Variants in DCUN1D3 observed in about 807,000 individuals in gnomAD.
DCUN1D3 encodes the protein DCN1-like protein 3.
DCUN1D3 carries 6 observed loss-of-function variants against 24.8 expected under a neutral mutation model. The observed-to-expected ratio is 0.24, with a 90% CI of 0.13 to 0.48. DCUN1D3 has a LOEUF of 0.48. DCUN1D3 is among the 20% of genes least tolerant of loss of function. The probability of loss-of-function intolerance (pLI) is 0.99; values close to 1 mark genes in which losing one functional copy is unlikely to be tolerated. For missense variants in DCUN1D3, 258 were observed against 379.4 expected, an observed-to-expected ratio of 0.68 and a Z score of 2.66; for synonymous variants, 120 against 144.9, an observed-to-expected ratio of 0.83 and a Z score of 1.24.
At chr16:20,879,463 C>T (rs1176142025) in intron 1 of DCUN1D3, among the ~76,000 whole-genome samples, 1 of 151,852 alleles carries the variant, frequency 6.6e-6, no homozygotes, top group Non-Finnish European at 1.5e-5. Flanking sequence ...TGTTTGAAAC[C>T]CTGAATATGA....
chr16:20,862,978 GAA>G (rs1033285353), intron 1 of DCUN1D3, among the ~76,000 whole-genome samples: 2 of 152,212 alleles, frequency 1.3e-5, no homozygotes, highest in Admixed American at 6.5e-5. Flanking sequence ...CATCACATAA[GAA>G]AAGTTATTTG....
At chr16:20,898,538 A>C (rs1305262301) in intron 1 of DCUN1D3, among the ~76,000 whole-genome samples, 2 of 152,262 alleles carry the variant, frequency 1.3e-5, no homozygotes, top group African/African-American at 4.8e-5. Flanking sequence ...TAAATCAGTT[A>C]AAGTGAGAAC....
Position 20,860,661 on chromosome 16 carries a change from A to C in DCUN1D3, c.432-292T>G, listed in dbSNP as rs1314716942. ...CATTCATTCATCTTCCCAAAGCTAA[A>C]CTCAAGTCTCCTGCTCCCTGCCCTG... On this transcript the variant is annotated intron_variant, in intron 2 of 2. Transcript: ENST00000324344. The surrounding 1 kb of genome is among the most constrained non-coding windows in gnomAD (Gnocchi z 4.3). 6.6e-6 allele frequency among the ~76,000 whole-genome samples: 1 copy of C among 152,180 alleles called. No homozygotes were observed. Among genetic ancestry groups the C allele is most frequent in the Non-Finnish European group, 1.5e-5 (1 of 68,032 alleles).
chr16:20,899,156 CA>C (rs142765173), intron 1 of DCUN1D3, among the ~76,000 whole-genome samples: 5,837 of 152,160 alleles, frequency 0.038, 155 homozygotes, highest in South Asian at 0.06. Flanking sequence ...ATTGTAGAAA[CA>C]AAAAAGTAAT....
chr16:20,863,711 G>A (rs1336404747), intron 1 of DCUN1D3, among the ~76,000 whole-genome samples: 2 of 152,154 alleles, frequency 1.3e-5, no homozygotes, highest in African/African-American at 4.8e-5. Context: ...CCACTCCACT[G>A]CAACCTGGGT....
chr16:20,873,494 G>A (rs1284697308), intron 1 of DCUN1D3, among the ~76,000 whole-genome samples: 7 of 152,222 alleles, frequency 4.6e-5, no homozygotes, highest in Admixed American at 4.6e-4. Context: ...AATGGTCAAT[G>A]GGCTGGATTT....
Position 20,860,962 on chromosome 16 carries a change from A to G in DCUN1D3, c.432-593T>C, listed in dbSNP as rs557633050. Among the ~76,000 whole-genome samples the G allele has an allele frequency of 1.3e-5, 2 of 152,326 alleles. No homozygotes were observed. Among genetic ancestry groups the G allele is most frequent in the East Asian group, 3.9e-4 (2 of 5,184 alleles). ...ATGGTCTCGCATTGATCGTCTTCTC[A>G]GGGACTGTAGTATCTGCTGAAGAGG... On this transcript the variant is annotated intron_variant, in intron 2 of 2. Coordinates refer to ENST00000324344, the MANE Select transcript of DCUN1D3 (RefSeq NM_173475.4). This position sits in a 1 kb window ranked among gnomAD's most constrained non-coding sequence, Gnocchi z 4.3.
intron 1 of DCUN1D3, among the ~76,000 whole-genome samples, chr16:20,872,473 TAAAAAA>T (rs539641152): frequency 3.1e-4 from 43 of 138,378 alleles, no homozygotes; most frequent in Non-Finnish European, 4.4e-4. Context: ...TGCTAATTCT[TAAAAAA>T]AAAAAAAAAA....
At chr16:20,872,511 A>G (rs1345562549) in intron 1 of DCUN1D3, among the ~76,000 whole-genome samples, 2 of 151,710 alleles carry the variant, frequency 1.3e-5, no homozygotes, top group Non-Finnish European at 2.9e-5. Flanking sequence ...TTAAGACCAC[A>G]TTTATCAGCT....
At chr16:20,865,799 GGTC>G (rs764112301) in intron 1 of DCUN1D3, among the ~76,000 whole-genome samples, 15 of 152,130 alleles carry the variant, frequency 9.9e-5, no homozygotes, top group Non-Finnish European at 2.1e-4. Context: ...ATAAATTGGG[GGTC>G]GTCTTCAAGA....
Position 20,859,540 on chromosome 16 carries a change from C to CAAAAAAAAAAA in DCUN1D3, c.*335_*345dup, listed in dbSNP as rs61506075. On this transcript the variant is annotated 3_prime_UTR_variant, in exon 3 of 3. Coordinates refer to ENST00000324344, the MANE Select transcript of DCUN1D3 (RefSeq NM_173475.4). ...CGCCCTGCTCTATGCCCTCCCCTAC[C>CAAAAAAAAAAA]AAAAAAAAAAAAAAAAAAACAAAAA... The CAAAAAAAAAAA allele has an allele frequency of 1.5e-3, 107 of 71,340 alleles. No individual in the cohort carries two copies. The highest frequency in any genetic ancestry group is 1.9e-3 in the Admixed American group (9 of 4,708). 4.4% of individuals were successfully genotyped at this position (71,340 alleles called of 1,614,324 possible).
In DCUN1D3 at chr16:20,856,102, G is replaced by T. The variant is rs2081701716; in HGVS notation, c.*3784C>A. The stretch of plus-strand genomic sequence containing the variant: ...TTGCATAACTGAGTCTACACCTTTT[G>T]GGCTTTGCTGCACTGAAGACCTCAT... On this transcript the variant is annotated 3_prime_UTR_variant, in exon 3 of 3. Transcript: ENST00000324344. The T allele has an allele frequency of 6.6e-6, 1 of 152,148 alleles. No homozygotes were observed. Among genetic ancestry groups the T allele is most frequent in the African/African-American group, 2.4e-5 (1 of 41,426 alleles). The allele number at this position is 152,148 out of a possible 1,614,324, so 9.4% of individuals were successfully genotyped here. A position where few individuals can be genotyped will look rare whatever the true frequency, so the allele number is the denominator to read the frequency against.
intron 1 of DCUN1D3, among the ~76,000 whole-genome samples, chr16:20,873,720 T>C (rs529789501): frequency 1.3e-5 from 2 of 152,290 alleles, no homozygotes; most frequent in Non-Finnish European, 2.9e-5. Context: ...TGCCCCTGGC[T>C]TTAATGACTG....
chr16:20,867,287 C>T (rs891491173), intron 1 of DCUN1D3, among the ~76,000 whole-genome samples: 1 of 152,128 alleles, frequency 6.6e-6, no homozygotes, highest in African/African-American at 2.4e-5. Context: ...TCAGGAGTGA[C>T]ACCACAGCAA....
intron 1 of DCUN1D3, among the ~76,000 whole-genome samples, chr16:20,870,914 G>A (rs964805242): frequency 3.9e-5 from 6 of 152,188 alleles, no homozygotes; most frequent in African/African-American, 9.7e-5. Context: ...GGGCTGAGGC[G>A]GTTGTACTGG....
At chr16:20,897,630 A>G (rs1171825970) in intron 1 of DCUN1D3, among the ~76,000 whole-genome samples, 1 of 152,254 alleles carries the variant, frequency 6.6e-6, no homozygotes, top group Non-Finnish European at 1.5e-5. Flanking sequence ...CCCAGTCCTT[A>G]AATTCATACA....
At position 20,862,318 on chromosome 16, in the gene DCUN1D3, T is replaced by A; in HGVS notation, c.221A>T (p.Asp74Val). 6.2e-7 allele frequency: 1 copy of A among 1,614,200 alleles called. No homozygotes were observed. The highest frequency in any genetic ancestry group is 8.5e-7 in the Non-Finnish European group (1 of 1,180,030). Residue 74 changes from aspartate (D) to valine (V), a missense_variant, in exon 2 of 3, where the codon GAT becomes GTT. Asp to Val is a radical substitution (Grantham distance 152). Coordinates refer to ENST00000324344, the MANE Select transcript of DCUN1D3 (RefSeq NM_173475.4). ...ATTGGACTTGGACTCCCTCCCAGCA[T>A]CTCCCGAGGACGTTGGCAGCTGGCA... ...EACQLPTSSG[D>V]AGRESKSNAE...
At chr16:20,892,354 G>A (rs2081896091) in intron 1 of DCUN1D3, among the ~76,000 whole-genome samples, 1 of 152,108 alleles carries the variant, frequency 6.6e-6, no homozygotes, top group Non-Finnish European at 1.5e-5. Flanking sequence ...CCTCCTCAGA[G>A]GGCCTGAGAC....
chr16:20,877,233 A>C (rs1470815320), intron 1 of DCUN1D3, among the ~76,000 whole-genome samples: 1 of 152,150 alleles, frequency 6.6e-6, no homozygotes, highest in Non-Finnish European at 1.5e-5. Context: ...ATCAATTAAC[A>C]AAAAAATGGG....
Sources: allele counts gnomAD v4.1 joint callset (sites outside exome capture counted in the v4.1 genomes callset), GRCh38; gene constraint gnomAD v4.1.1; non-coding constraint Gnocchi (gnomAD v3.1); transcripts MANE v1.5; gene names NCBI Gene and HGNC (gene_info 2026-07-23, HGNC 2026-07-21).